PDE4D: variants seen among roughly 807,000 people sequenced by gnomAD.
PDE4D encodes phosphodiesterase 4D, also known as 3',5'-cyclic-AMP phosphodiesterase 4D.
PDE4D carries 24 observed loss-of-function variants against 87.4 expected under a neutral mutation model. The ratio of observed to expected loss-of-function variants is 0.27; its 90% confidence interval spans 0.20 to 0.39. PDE4D has a LOEUF of 0.39. Among genes scored for constraint, PDE4D ranks in the 10% least tolerant of loss-of-function variants. PDE4D has a pLI of 1.00. For missense variants in PDE4D, 714 were observed against 1,041.0 expected (o/e 0.69, Z 4.32); for synonymous variants, 384 against 383.2 (o/e 1.00, Z -0.02).
intron 1 of PDE4D, chr5:59,587,722 G>T: frequency 2.0e-6 from 1 of 507,016 alleles, no homozygotes; most frequent in Non-Finnish European, 2.5e-6. Context: ...TTGCAGAGCC[G>T]CGCACTCCTT....
chr5:60,181,942 T>C (rs1251742922), intron 2 of PDE4D, among the ~76,000 whole-genome samples: 3 of 152,174 alleles, frequency 2.0e-5, no homozygotes, highest in African/African-American at 7.2e-5. Flanking sequence ...TCCTGTTCTC[T>C]TGTCTGTACC....
intron 2 of PDE4D, among the ~76,000 whole-genome samples, chr5:60,148,183 G>A (rs1373344036): frequency 6.6e-6 from 1 of 152,102 alleles, no homozygotes; most frequent in African/African-American, 2.4e-5. Context: ...TTTTTTGGGG[G>A]TGGGGCAGGG....
intron 1 of PDE4D, among the ~76,000 whole-genome samples, chr5:59,295,270 A>G (rs943979063): frequency 8.5e-5 from 13 of 152,208 alleles, no homozygotes; most frequent in Non-Finnish European, 2.9e-5. Flanking sequence ...TTAATAAAAT[A>G]TTAGATGTAG....
chr5:60,137,709 T>G (rs1780172284), intron 2 of PDE4D, among the ~76,000 whole-genome samples: 1 of 152,206 alleles, frequency 6.6e-6, no homozygotes, highest in African/African-American at 2.4e-5. Flanking sequence ...CTGGATAGAT[T>G]GCAACAATTT....
chr5:59,440,580 C>A (rs1284742987), intron 1 of PDE4D, among the ~76,000 whole-genome samples: 1 of 152,142 alleles, frequency 6.6e-6, no homozygotes, highest in Non-Finnish European at 1.5e-5. Context: ...AGTTCAAGAC[C>A]ATCCTGACCA....
intron 1 of PDE4D, among the ~76,000 whole-genome samples, chr5:59,289,004 C>G (rs569656175): frequency 6.6e-6 from 1 of 152,070 alleles, no homozygotes; most frequent in Non-Finnish European, 1.5e-5. Context: ...TCTGGAGGAA[C>G]AAAGCTCACT....
rs529484881 is a variant in PDE4D at position 60,242,218 on chromosome 5, T to C, written c.-89-56531A>G. ...AAAATAGACTTCAACACAAAAACTG[T>C]AAGAAAAGAAAAAGAAGGTCATTAT... On this transcript the variant is annotated intron_variant, in intron 1 of 16. Coordinates refer to the PDE4D transcript ENST00000502484. Among the ~76,000 whole-genome samples, 3 of 151,822 alleles carry C rather than the reference T, an allele frequency of 2.0e-5. No individual in the cohort carries two copies. The East Asian group carries it at 5.8e-4, about 30-fold the overall frequency.
intron 1 of PDE4D, among the ~76,000 whole-genome samples, chr5:60,399,521 CT>C (rs754009255): frequency 6.6e-6 from 1 of 152,198 alleles, no homozygotes; most frequent in African/African-American, 2.4e-5. Context: ...CAGATTCTTT[CT>C]TTTTCAGACT....
At chr5:59,167,036 C>T (rs1227571769) in intron 5 of PDE4D, among the ~76,000 whole-genome samples, 2 of 152,158 alleles carry the variant, frequency 1.3e-5, no homozygotes, top group African/African-American at 4.8e-5. Context: ...TTAAATAAGA[C>T]CTGACATTTA....
chr5:59,959,056 C>A (rs566698445), intron 3 of PDE4D, among the ~76,000 whole-genome samples: 1 of 151,802 alleles, frequency 6.6e-6, no homozygotes, highest in African/African-American at 2.4e-5. Flanking sequence ...GACATTCAAA[C>A]TGAGACCTAC....
At chr5:60,282,615 T>C (rs1423305880) in intron 1 of PDE4D, among the ~76,000 whole-genome samples, 3 of 152,210 alleles carry the variant, frequency 2.0e-5, no homozygotes, top group African/African-American at 7.2e-5. Flanking sequence ...AGACACGTTT[T>C]GTTGGGTTTG....
At chr5:60,301,794 A>G (rs781209543) in intron 1 of PDE4D, among the ~76,000 whole-genome samples, 1 of 151,982 alleles carries the variant, frequency 6.6e-6, no homozygotes, top group Non-Finnish European at 1.5e-5. Flanking sequence ...ATTCAGTATG[A>G]TATTGGCTGT....
At chr5:60,210,754 A>ATTTTT (rs36007402) in intron 1 of PDE4D, among the ~76,000 whole-genome samples, 5 of 145,910 alleles carry the variant, frequency 3.4e-5, no homozygotes, top group Admixed American at 6.8e-5. Context: ...GGGTTTCCTA[A>ATTTTT]TTTTTTTTTT....
chr5:59,747,117 A>G lies in PDE4D; in HGVS notation c.455+146051T>C, dbSNP rs577780673. ...ACCTGAAACCTCCTTTCCTTACCAT[A>G]AGCAAGGCCTTGCCATGACAGATAA... On this transcript the variant is annotated intron_variant, in intron 1 of 14. Coordinates refer to ENST00000340635, the MANE Select transcript of PDE4D (RefSeq NM_001104631.2). 1.6e-4 allele frequency among the ~76,000 whole-genome samples: 24 copies of G among 152,174 alleles called. No homozygotes were observed. In the South Asian group the frequency reaches 5.0e-3, roughly 32 times the overall value.
intron 1 of PDE4D, among the ~76,000 whole-genome samples, chr5:60,512,944 A>G (rs1750640215): frequency 6.6e-6 from 1 of 152,212 alleles, no homozygotes; most frequent in South Asian, 2.1e-4. Context: ...ACACATAAAC[A>G]GAAGTGTATA....
chr5:59,411,480 C>T (rs570109189), intron 1 of PDE4D, among the ~76,000 whole-genome samples: 1 of 152,206 alleles, frequency 6.6e-6, no homozygotes, highest in South Asian at 2.1e-4. Context: ...TACGTTTTGT[C>T]AGTGTTCTAC....
chr5:59,320,155 AGT>A (rs1315209352), intron 1 of PDE4D, among the ~76,000 whole-genome samples: 1 of 151,816 alleles, frequency 6.6e-6, no homozygotes, highest in African/African-American at 2.4e-5. Context: ...AAATGCAAAA[AGT>A]GTGTGTGTGT....
At chr5:59,802,003 G>C (rs1767183960) in intron 1 of PDE4D, among the ~76,000 whole-genome samples, 1 of 152,086 alleles carries the variant, frequency 6.6e-6, no homozygotes, top group Non-Finnish European at 1.5e-5. Flanking sequence ...ACATCTACAG[G>C]AGATACAAAT....
At chr5:59,871,960 C>T (rs1443695361) in intron 1 of PDE4D, among the ~76,000 whole-genome samples, 1 of 152,100 alleles carries the variant, frequency 6.6e-6, no homozygotes, top group Admixed American at 6.6e-5. Flanking sequence ...TACTGCCACT[C>T]ATGAGCTCTT....
Sources: allele counts gnomAD v4.1 joint callset (sites outside exome capture counted in the v4.1 genomes callset), GRCh38; gene constraint gnomAD v4.1.1; transcripts MANE v1.5; gene names NCBI Gene and HGNC (gene_info 2026-07-23, HGNC 2026-07-21).